Variants in NCOA7 observed in about 807,000 individuals in gnomAD.
NCOA7 encodes nuclear receptor coactivator 7, also known as 140 kDa estrogen receptor-associated protein.
In NCOA7, 45 loss-of-function variants were observed where a neutral mutation model predicts 104.3. The ratio of observed to expected loss-of-function variants is 0.43; its 90% CI spans 0.34 to 0.55. NCOA7 has a LOEUF of 0.55. Ranked by LOEUF, NCOA7 falls within the 20% of genes least tolerant of loss-of-function variation. The pLI is 0.02. For synonymous variants in NCOA7, 398 were observed against 402.3 expected (o/e 0.99, Z 0.13); for missense variants, 1,041 against 1,119.7 (o/e 0.93, Z 1.00).
intron 3 of NCOA7, among the ~76,000 whole-genome samples, chr6:125,872,300 T>C (rs1480796717): frequency 2.0e-5 from 3 of 152,230 alleles, no homozygotes; most frequent in Admixed American, 6.5e-5. Context: ...TGTCACCAGT[T>C]GGTGGCTTTT....
At position 125,882,574 on chromosome 6, in the gene NCOA7, T is replaced by G. The variant is rs754396064; in HGVS notation, c.699+23T>G. The G allele has an allele frequency of 4.4e-6, 7 of 1,605,066 alleles. No homozygotes were observed. The South Asian group carries it at 6.7e-5, about 15-fold the overall frequency. On this transcript the variant is annotated intron_variant, in intron 7 of 15. Transcript: ENST00000392477. Reference sequence around the variant, plus strand: ...AAGGTATATAGCAATGTAATTTGTTTCCTTTCCTTGAAATCTATGAAAAAC... The same window carrying G: ...AAGGTATATAGCAATGTAATTTGTTGCCTTTCCTTGAAATCTATGAAAAAC...
chr6:125,927,706 A>G lies in NCOA7; in HGVS notation c.2567A>G (p.His856Arg). The change falls in exon 14 of 16, where the codon CAC becomes CGC. Residue 856 changes from histidine (H) to arginine (R), a missense_variant. By Grantham distance (29) the His-to-Arg change is conservative. Transcript: ENST00000392477. Reference protein sequence around the residue: ...YATHPFKFSDHYYGTGETFLY... With the variant: ...YATHPFKFSDRYYGTGETFLY... Reference sequence around the variant, plus strand: ...ACTCATCCTTTCAAGTTCAGTGACCACTATTATGGCACAGGCGAAACTTTT... The same window carrying G: ...ACTCATCCTTTCAAGTTCAGTGACCGCTATTATGGCACAGGCGAAACTTTT... 1 of 1,614,106 alleles carries G rather than the reference A, an allele frequency of 6.2e-7. No homozygotes were observed. The highest frequency in any genetic ancestry group is 8.5e-7 in the Non-Finnish European group (1 of 1,180,020).
chr6:125,815,538 C>A (rs1297477805), intron 2 of NCOA7, 134 bp downstream of exon 2: 1 of 650,792 alleles, frequency 1.5e-6, no homozygotes, highest in Non-Finnish European at 2.6e-6. Flanking sequence ...GAGAAGTAAA[C>A]TATACTTTGC....
intron 2 of NCOA7, among the ~76,000 whole-genome samples, chr6:125,815,832 G>T (rs535974394): frequency 6.6e-6 from 1 of 152,314 alleles, no homozygotes; most frequent in African/African-American, 2.4e-5. Flanking sequence ...ATTTTTGTAG[G>T]TAGGTGAAAT....
At chr6:125,788,625 T>A (rs1390807215), upstream of NCOA7, among the ~76,000 whole-genome samples, 4 of 151,324 alleles carry the variant, frequency 2.6e-5, no homozygotes, top group African/African-American at 9.7e-5. Flanking sequence ...AACCTCTGCA[T>A]CCCGGTTTCT....
intron 5 of NCOA7, among the ~76,000 whole-genome samples, chr6:125,880,877 T>G (rs1027189409): frequency 6.6e-6 from 1 of 152,160 alleles, no homozygotes; most frequent in Non-Finnish European, 1.5e-5. Context: ...TACAGGCATG[T>G]TCTGTACCCT....
chr6:125,931,382 C>T lies in NCOA7; in HGVS notation c.*2611C>T, dbSNP rs1788458124. ...TTCTAGCTGTGCAATGAATGACAAC[C>T]TCCTCCTCTTAACATCTGTCTTAAC... On this transcript the variant is annotated 3_prime_UTR_variant, in exon 16 of 16. Transcript: ENST00000392477. 1 of 152,200 alleles carries T rather than the reference C, an allele frequency of 6.6e-6. No individual in the cohort carries two copies. Among genetic ancestry groups the T allele is most frequent in the Non-Finnish European group, 1.5e-5 (1 of 68,040 alleles). 9.4% of individuals were successfully genotyped at this position (152,200 alleles called of 1,614,324 possible). A position where few individuals can be genotyped will look rare whatever the true frequency, so the allele number is the denominator to read the frequency against.
At chr6:125,874,139 AC>A (rs1783164712) in intron 3 of NCOA7, among the ~76,000 whole-genome samples, 1 of 152,240 alleles carries the variant, frequency 6.6e-6, no homozygotes, top group Non-Finnish European at 1.5e-5. Context: ...AGCCTGGCCA[AC>A]ATGGCGAAAC....
chr6:125,900,164 G>A, intron 10 of NCOA7: 1 of 396,464 alleles, frequency 2.5e-6, no homozygotes, highest in Non-Finnish European at 5.6e-6. Context: ...AGCTAGGTGG[G>A]AATGGGAACA....
chr6:125,840,221 A>C (rs960955087), intron 2 of NCOA7, among the ~76,000 whole-genome samples: 1 of 152,112 alleles, frequency 6.6e-6, no homozygotes, highest in African/African-American at 2.4e-5. Context: ...AAATAGAAAA[A>C]AGCTTATAGA....
intron 10 of NCOA7, among the ~76,000 whole-genome samples, chr6:125,892,901 G>T (rs1784732395): frequency 6.6e-6 from 1 of 151,784 alleles, no homozygotes; most frequent in African/African-American, 2.4e-5. Flanking sequence ...GAATTTTTTT[G>T]TGGTAATTAC....
intron 3 of NCOA7, 23 bp downstream of exon 3, chr6:125,855,263 C>T (rs1184618976): frequency 6.6e-7 from 1 of 1,510,452 alleles, no homozygotes; most frequent in South Asian, 1.2e-5. Flanking sequence ...GGCGTTACTG[C>T]AGTATTTTCA....
rs550973346 is a variant in NCOA7 at position 125,869,280 on chromosome 6, C to G, written c.272-5609C>G. Among the ~76,000 whole-genome samples, 59 of 152,274 alleles carry G rather than the reference C, an allele frequency of 3.9e-4. 1 individual carries two copies. The South Asian group carries it at 7.5e-3, about 19-fold the overall frequency. ...TTGTTCTTGCTGGTTTTTCTCAGAA[C>G]CAGCATATCTAGCCAGTTCGTTTCT... On this transcript the variant is annotated intron_variant, in intron 3 of 15. Coordinates refer to ENST00000392477, the MANE Select transcript of NCOA7 (RefSeq NM_181782.5).
At chr6:125,794,242 C>A (rs1459995397) in intron 1 of NCOA7, among the ~76,000 whole-genome samples, 3 of 152,122 alleles carry the variant, frequency 2.0e-5, no homozygotes, top group African/African-American at 7.2e-5. Flanking sequence ...ACTTTAAATG[C>A]CAAAGAAAAG....
chr6:125,920,161 T>C (rs559961281), intron 11 of NCOA7, among the ~76,000 whole-genome samples: 3 of 152,188 alleles, frequency 2.0e-5, no homozygotes, highest in Non-Finnish European at 4.4e-5. Context: ...TGTTTCTAGG[T>C]TTAGAAGGGG....
In NCOA7 at chr6:125,928,909, T is replaced by G. The variant is rs1030158072; in HGVS notation, c.*138T>G. On this transcript the variant is annotated 3_prime_UTR_variant, in exon 16 of 16. Transcript: ENST00000392477. Reference sequence around the variant, plus strand: ...TCCTTTCTGCCATCATCTCAGAGCATGATCACATTGCAGAAAGATTCTGGA... The same window carrying G: ...TCCTTTCTGCCATCATCTCAGAGCAGGATCACATTGCAGAAAGATTCTGGA... 7.8e-6 allele frequency: 7 copies of G among 896,110 alleles called. No individual in the cohort carries two copies. The African/African-American group carries it at 1.0e-4, about 13-fold the overall frequency. 55.5% of individuals were successfully genotyped at this position (896,110 alleles called of 1,614,324 possible).
chr6:125,818,605 CACTG>C (rs1221931566), intron 2 of NCOA7, among the ~76,000 whole-genome samples: 4 of 152,084 alleles, frequency 2.6e-5, no homozygotes, highest in African/African-American at 9.7e-5. Context: ...GAGAGAGAAA[CACTG>C]ACTGACAAAC....
intron 10 of NCOA7, among the ~76,000 whole-genome samples, chr6:125,907,757 A>C (rs1786154185): frequency 6.6e-6 from 1 of 152,096 alleles, no homozygotes; most frequent in Admixed American, 6.5e-5. Flanking sequence ...CCAACTCTCA[A>C]TTTCCTTAAC....
At chr6:125,839,855 A>G (rs1170052442) in intron 2 of NCOA7, among the ~76,000 whole-genome samples, 5 of 152,122 alleles carry the variant, frequency 3.3e-5, no homozygotes, top group African/African-American at 9.7e-5. Context: ...AGCATAGTAC[A>G]TACAATTATT....
Sources: gnomAD v4.1 joint callset for allele counts (sites outside exome capture counted in the v4.1 genomes callset) on GRCh38, gnomAD v4.1.1 for gene constraint, MANE v1.5 for transcripts, NCBI Gene and HGNC (gene_info 2026-07-23, HGNC 2026-07-21) for gene names.